WAC: variants seen among roughly 807,000 people sequenced by gnomAD.
WAC encodes WW domain containing adaptor with coiled-coil.
In WAC, 11 loss-of-function variants were observed where a neutral mutation model predicts 79.6. That is an observed-to-expected ratio of 0.14 (90% confidence interval 0.09 to 0.23). WAC has a LOEUF of 0.23. Ranked by LOEUF, WAC falls within the 10% of genes least tolerant of loss-of-function variation. The pLI is 1.00. For missense variants in WAC, 728 were observed against 773.5 expected (o/e 0.94, Z 0.70); for synonymous variants, 304 against 276.9 (o/e 1.10, Z -0.97).
intron 7 of WAC, among the ~76,000 whole-genome samples, chr10:28,603,933 CAAAAAA>C (rs1312613029): frequency 5.6e-5 from 1 of 17,986 alleles, no homozygotes; most frequent in African/African-American, 2.5e-4. Flanking sequence ...GACTCCGTCT[CAAAAAA>C]AAAATATATA....
At chr10:28,561,523 G>A (rs907616887) in intron 3 of WAC, among the ~76,000 whole-genome samples, 1 of 151,790 alleles carries the variant, frequency 6.6e-6, no homozygotes, top group Non-Finnish European at 1.5e-5. Flanking sequence ...TGGCATAAAC[G>A]ATTTACATTA....
chr10:28,535,378 G>T, intron 2 of WAC, 184 bp from the exon 3 acceptor site: 58 of 448,470 alleles, frequency 1.3e-4, no homozygotes, highest in Middle Eastern at 7.3e-4. Flanking sequence ...GAGTCTTATT[G>T]TAACGCTTAA....
intron 3 of WAC, among the ~76,000 whole-genome samples, chr10:28,579,871 C>T (rs1023052045): frequency 1.3e-5 from 2 of 152,156 alleles, no homozygotes; most frequent in Non-Finnish European, 2.9e-5. Flanking sequence ...ATCTGCACTA[C>T]CTTCAGGTCC....
chr10:28,609,451 T>TA (rs770595355), intron 8 of WAC, among the ~76,000 whole-genome samples: 52 of 152,372 alleles, frequency 3.4e-4, no homozygotes, highest in Non-Finnish European at 6.2e-4. Context: ...GTTCTTATCC[T>TA]AAAAATAAAG....
intron 3 of WAC, among the ~76,000 whole-genome samples, chr10:28,572,337 C>CAAAAAAAA (rs535940157): frequency 1.2e-5 from 1 of 86,864 alleles, no homozygotes; most frequent in Non-Finnish European, 2.3e-5. Context: ...ACTCTGTCTC[C>CAAAAAAAA]AAAAAAAAAA....
chr10:28,594,164 C>A (rs544322507), intron 6 of WAC, among the ~76,000 whole-genome samples: 1 of 142,204 alleles, frequency 7.0e-6, no homozygotes, highest in Admixed American at 7.0e-5. Context: ...AATGCTGCTG[C>A]CCTTTTTGTT....
intron 3 of WAC, among the ~76,000 whole-genome samples, chr10:28,541,164 T>C (rs1836996269): frequency 6.6e-6 from 1 of 152,128 alleles, no homozygotes; most frequent in African/African-American, 2.4e-5. Flanking sequence ...ATTTTTGGTG[T>C]AACATACTTG....
intron 3 of WAC, among the ~76,000 whole-genome samples, chr10:28,564,157 C>T (rs1009348510): frequency 5.3e-5 from 8 of 152,120 alleles, no homozygotes; most frequent in Middle Eastern, 6.8e-3. Flanking sequence ...CCCAGCAACT[C>T]TGGAGGCTGA....
intron 3 of WAC, among the ~76,000 whole-genome samples, chr10:28,576,155 G>A (rs61848481): frequency 1.3e-5 from 2 of 152,162 alleles, no homozygotes; most frequent in Non-Finnish European, 2.9e-5. Flanking sequence ...TTGTCTTTAA[G>A]CAGCACATGA....
intron 3 of WAC, among the ~76,000 whole-genome samples, chr10:28,566,076 G>A (rs1475955811): frequency 6.6e-6 from 1 of 152,100 alleles, no homozygotes; most frequent in Non-Finnish European, 1.5e-5. Context: ...TGCCTTAGAC[G>A]ACGTAGGAGA....
intron 3 of WAC, among the ~76,000 whole-genome samples, chr10:28,539,011 A>G (rs1836852139): frequency 2.6e-5 from 4 of 152,302 alleles, no homozygotes; most frequent in Middle Eastern, 6.8e-3. Context: ...TATGCATTGA[A>G]CTACTGAATT....
At position 28,583,518 on chromosome 10, in the gene WAC, A is replaced by C. The variant is rs1839644905; in HGVS notation, c.381+13A>C. 3 of 1,501,718 alleles carry C rather than the reference A, an allele frequency of 2.0e-6. No individual in the cohort carries two copies. Among genetic ancestry groups the C allele is most frequent in the Non-Finnish European group, 2.7e-6 (3 of 1,123,784 alleles). 93.0% of individuals were successfully genotyped at this position (1,501,718 alleles called of 1,614,324 possible). A position where few individuals can be genotyped will look rare whatever the true frequency, so the allele number is the denominator to read the frequency against. On this transcript the variant is annotated intron_variant, in intron 4 of 13. Transcript: ENST00000354911. ...AACTTCAGATGCAGTAAGTATTATA[A>C]ACATGTCCAATATGGTTTCTTTGGA...
At chr10:28,610,919 T>TC (rs1470888988) in intron 9 of WAC, 98 bp downstream of exon 9, 18 of 1,340,776 alleles carry the variant, frequency 1.3e-5, no homozygotes, top group Non-Finnish European at 1.8e-5. Flanking sequence ...TTCATTTTTT[T>TC]TTTTAGTTTT....
intron 13 of WAC, among the ~76,000 whole-genome samples, chr10:28,618,811 C>T (rs1370633724): frequency 1.3e-5 from 2 of 152,208 alleles, no homozygotes; most frequent in African/African-American, 4.8e-5. Context: ...AATTGCTCTT[C>T]TAAATGATTA....
chr10:28,609,455 A>C (rs530462584), intron 8 of WAC, among the ~76,000 whole-genome samples: 1 of 152,346 alleles, frequency 6.6e-6, no homozygotes, highest in South Asian at 2.1e-4. Context: ...TTATCCTAAA[A>C]ATAAAGCTAT....
intron 7 of WAC, among the ~76,000 whole-genome samples, chr10:28,603,961 G>GTATATATATATATATATA (rs71391054): frequency 1.4e-4 from 3 of 20,906 alleles, no homozygotes; most frequent in South Asian, 2.5e-3. Flanking sequence ...ATGTATGTAT[G>GTATATATATATATATATA]TATATATATA....
At position 28,558,727 on chromosome 10, in the gene WAC, A is replaced by G. The variant is rs181060218; in HGVS notation, c.274+22970A>G. ...AGTGAGTTTGCTTTACAGTGAATCA[A>G]TAAAGTCTGGTGCACTCAAGAAATT... On this transcript the variant is annotated intron_variant, in intron 3 of 13. Coordinates refer to ENST00000354911, the MANE Select transcript of WAC (RefSeq NM_016628.5). Among the ~76,000 whole-genome samples, 363 of 152,326 alleles carry G rather than the reference A, an allele frequency of 2.4e-3. 1 individual carries two copies. Among genetic ancestry groups the G allele is most frequent in the Admixed American group, 4.8e-3 (73 of 15,302 alleles).
At chr10:28,585,602 G>A (rs332152) in intron 4 of WAC, among the ~76,000 whole-genome samples, 124,233 of 148,554 alleles carry the variant, frequency 0.84, 52,052 homozygotes, top group East Asian at 0.94. Flanking sequence ...GAGAAGGGGG[G>A]GCAAATCATT....
At chr10:28,617,324 T>A (rs1281915991) in intron 12 of WAC, among the ~76,000 whole-genome samples, 1 of 152,242 alleles carries the variant, frequency 6.6e-6, no homozygotes, top group Non-Finnish European at 1.5e-5. Flanking sequence ...ATCTAATACC[T>A]GAACTTGCAG....
Sources: gnomAD v4.1 joint callset for allele counts (sites outside exome capture counted in the v4.1 genomes callset) on GRCh38, gnomAD v4.1.1 for gene constraint, MANE v1.5 for transcripts, NCBI Gene and HGNC (gene_info 2026-07-23, HGNC 2026-07-21) for gene names.